CGNL1: variants seen among roughly 807,000 people sequenced by gnomAD.
CGNL1 encodes the protein cingulin like 1.
Under a neutral mutation model 141.2 loss-of-function variants are expected in CGNL1, and 132 were observed. The ratio of observed to expected loss-of-function variants is 0.93; its 90% CI spans 0.81 to 1.08. The LOEUF (loss-of-function observed/expected upper bound fraction) is 1.08. Ranked by LOEUF, CGNL1 falls within the 50% of genes least tolerant of loss-of-function variation. CGNL1 has a pLI of 0.00. For missense variants in CGNL1, 1,870 were observed against 1,588.6 expected, an observed-to-expected ratio of 1.18 and a Z score of -3.01; for synonymous variants, 690 against 622.1, an observed-to-expected ratio of 1.11 and a Z score of -1.63.
intron 4 of CGNL1, among the ~76,000 whole-genome samples, chr15:57,449,672 A>G (rs2063298552): frequency 6.6e-6 from 1 of 152,220 alleles, no homozygotes; most frequent in Non-Finnish European, 1.5e-5. Context: ...TAGTATCATA[A>G]AGAATAGTTT....
At chr15:57,452,707 G>A (rs2063336264) in intron 6 of CGNL1, among the ~76,000 whole-genome samples, 1 of 152,084 alleles carries the variant, frequency 6.6e-6, no homozygotes, top group Admixed American at 6.6e-5. Context: ...TTTGTGATGG[G>A]TGCTTATACC....
At chr15:57,416,677 G>C (rs1051397302) in intron 1 of CGNL1, among the ~76,000 whole-genome samples, 1 of 152,204 alleles carries the variant, frequency 6.6e-6, no homozygotes, top group Non-Finnish European at 1.5e-5. Context: ...TGCACACACA[G>C]ATGCTTTAGT....
At chr15:57,389,543 G>C (rs1243847064) in intron 1 of CGNL1, among the ~76,000 whole-genome samples, 1 of 152,122 alleles carries the variant, frequency 6.6e-6, no homozygotes, top group African/African-American at 2.4e-5. Flanking sequence ...AGTTACGCTT[G>C]ACCAAAAAGA....
intron 14 of CGNL1, among the ~76,000 whole-genome samples, chr15:57,538,130 G>A (rs2032366263): frequency 6.6e-6 from 1 of 152,242 alleles, no homozygotes; most frequent in African/African-American, 2.4e-5. Context: ...TAACAGCAGG[G>A]ACACATAGGA....
Position 57,413,243 on chromosome 15 carries a change from C to CTCCT in CGNL1, c.-15-24741_-15-24740insCCTT, listed in dbSNP as rs1414848428. On this transcript the variant is annotated intron_variant, in intron 1 of 18. Transcript: ENST00000281282. ...TCTTCCTCCCTCCCTCCCTCCCTCC[C>CTCCT]TTCTTCCCTCCCTCCATTCCTCCTT... Among the ~76,000 whole-genome samples, 3 of 144,324 alleles carry CTCCT rather than the reference C, an allele frequency of 2.1e-5. No individual in the cohort carries two copies. The East Asian group carries it at 6.0e-4, about 29-fold the overall frequency. 94.7% of individuals were successfully genotyped at this position (144,324 alleles called of 152,430 possible).
intron 14 of CGNL1, 122 bp from the exon 15 acceptor site, chr15:57,543,574 G>A: frequency 2.5e-6 from 2 of 792,288 alleles, no homozygotes; most frequent in Middle Eastern, 2.3e-4. Context: ...GGCACGAGGG[G>A]CTGGGTAGGG....
At chr15:57,411,553 C>T (rs1405486140) in intron 1 of CGNL1, among the ~76,000 whole-genome samples, 2 of 151,648 alleles carry the variant, frequency 1.3e-5, no homozygotes, top group Admixed American at 6.6e-5. Context: ...AAGCAATTCT[C>T]ATGCTTCACC....
chr15:57,527,046 A>G (rs1302704957), intron 12 of CGNL1: 2 of 152,190 alleles, frequency 1.3e-5, no homozygotes, highest in Non-Finnish European at 2.9e-5. Flanking sequence ...ACTGAGTCAT[A>G]GAGCGTTTTT....
At chr15:57,441,424 G>A (rs553818753) in intron 3 of CGNL1, among the ~76,000 whole-genome samples, 30 of 151,816 alleles carry the variant, frequency 2.0e-4, no homozygotes, top group South Asian at 6.3e-4. Context: ...GCTGGAATGC[G>A]GTGGCATGAT....
chr15:57,545,690 A>G lies in CGNL1; in HGVS notation c.3599A>G (p.Gln1200Arg). The G allele has an allele frequency of 6.2e-7, 1 of 1,612,394 alleles. No individual in the cohort carries two copies. Among genetic ancestry groups the G allele is most frequent in the Non-Finnish European group, 8.5e-7 (1 of 1,179,244 alleles). ...VDDEHLSLTD[Q>R]KDQLSLRLKA... is the part of the protein sequence containing the mutation. The stretch of plus-strand genomic sequence containing the variant: ...GATGAGCACCTGTCATTGACTGATC[A>G]GAAGGACCAGGTGGGGAGCCTCTGC... The change falls in exon 17 of 19, where the codon CAG becomes CGG. Residue 1200 changes from glutamine (Q) to arginine (R), a missense_variant. Transcript: ENST00000281282.
chr15:57,439,299 C>G lies in CGNL1; in HGVS notation c.1300C>G (p.Arg434Gly), dbSNP rs762744132. The change falls in exon 2 of 19, where the codon CGC (arginine) becomes GGC (glycine). Residue 434 changes from arginine (R) to glycine (G), a missense_variant. Arg to Gly is a moderately radical substitution (Grantham distance 125). Coordinates refer to ENST00000281282, the MANE Select transcript of CGNL1 (RefSeq NM_032866.5). Reference protein sequence around the residue: ...VCPQRPLSQERRGKQSVGRTF... With the variant: ...VCPQRPLSQEGRGKQSVGRTF... ...CCCGCAGCGGCCACTGTCTCAGGAG[C>G]GCCGTGGGAAACAGAGCGTGGGCCG... 38 of 1,614,096 alleles carry G rather than the reference C, an allele frequency of 2.4e-5. 1 individual carries two copies. In the East Asian group the frequency reaches 8.5e-4, roughly 36 times the overall value.
chr15:57,451,533 T>C lies in CGNL1; in HGVS notation c.1837T>C (p.Leu613=). ...CNSTSEVKDL[L]EQKSKLTIEV... ...TTCCACATCTGAAGTCAAAGATCTA[T>C]TGGAACAGAAAAGCAAGTTGACCAT... Residue 613 remains leucine (L), a synonymous_variant, in exon 5 of 19, where the codon TTG becomes CTG. Transcript: ENST00000281282. 2 of 1,613,256 alleles carry C rather than the reference T, an allele frequency of 1.2e-6. No homozygotes were observed. Among genetic ancestry groups the C allele is most frequent in the South Asian group, 1.1e-5 (1 of 90,848 alleles).
rs147417987 is a variant in CGNL1, at chr15:57,386,169, C to A, written c.-16+9602C>A. Reference sequence around the variant, plus strand: ...GCTTGCATCGTTTACATATAAATAGCCATGCTAAAACCAGTGAAACCACTT... The same window carrying A: ...GCTTGCATCGTTTACATATAAATAGACATGCTAAAACCAGTGAAACCACTT... On this transcript the variant is annotated intron_variant, in intron 1 of 18. Transcript: ENST00000281282. Among the ~76,000 whole-genome samples, 455 of 152,310 alleles carry A rather than the reference C, an allele frequency of 3.0e-3. 2 individuals are homozygous for A. Among genetic ancestry groups the A allele is most frequent in the African/African-American group, 0.01 (421 of 41,566 alleles).
At chr15:57,460,938 G>A in intron 7 of CGNL1, among the ~76,000 whole-genome samples, 1 of 152,072 alleles carries the variant, frequency 6.6e-6, no homozygotes, top group East Asian at 1.9e-4. Flanking sequence ...AGGTGGAGAG[G>A]GAGCCAAGAT....
At chr15:57,531,411 C>G (rs1311671326) in intron 13 of CGNL1, among the ~76,000 whole-genome samples, 3 of 152,130 alleles carry the variant, frequency 2.0e-5, no homozygotes, top group Non-Finnish European at 4.4e-5. Context: ...CTCAAATATC[C>G]TTAGTGTTTG....
intron 4 of CGNL1, among the ~76,000 whole-genome samples, chr15:57,447,639 CGACTT>C (rs2063270977): frequency 6.6e-6 from 1 of 151,964 alleles, no homozygotes; most frequent in Non-Finnish European, 1.5e-5. Flanking sequence ...AATGAGCTCT[CGACTT>C]GATAGGTTCA....
chr15:57,532,473 CAG>C (rs749677994), intron 14 of CGNL1, among the ~76,000 whole-genome samples: 10 of 152,162 alleles, frequency 6.6e-5, no homozygotes, highest in Non-Finnish European at 1.5e-4. Context: ...AAAATGGAAA[CAG>C]AGGTCAAAAG....
chr15:57,417,872 T>C (rs1474396043), intron 1 of CGNL1, among the ~76,000 whole-genome samples: 2 of 152,168 alleles, frequency 1.3e-5, no homozygotes, highest in Non-Finnish European at 2.9e-5. Context: ...GGGAGGTGTT[T>C]CCTGGGTATT....
chr15:57,450,201 A>G (rs1484063117), intron 4 of CGNL1, among the ~76,000 whole-genome samples: 2 of 152,168 alleles, frequency 1.3e-5, no homozygotes, highest in African/African-American at 4.8e-5. Flanking sequence ...GTTACTCCAC[A>G]TCCTTGCCAC....
Sources: gnomAD v4.1 joint callset for allele counts (sites outside exome capture counted in the v4.1 genomes callset) on GRCh38, gnomAD v4.1.1 for gene constraint, MANE v1.5 for transcripts, NCBI Gene and HGNC (gene_info 2026-07-23, HGNC 2026-07-21) for gene names.